RGS22: variants seen among roughly 807,000 people sequenced by gnomAD.
RGS22 encodes regulator of G-protein signaling 22.
Under a neutral mutation model 172.9 loss-of-function variants are expected in RGS22, and 148 were observed. The observed-to-expected ratio is 0.86, with a 90% CI of 0.75 to 0.98. The LOEUF (loss-of-function observed/expected upper bound fraction) is 0.98. RGS22 is among the 50% of genes least tolerant of loss of function. The pLI is 0.00. For missense variants in RGS22, 1,347 were observed against 1,440.8 expected (o/e 0.93, Z 1.05); for synonymous variants, 458 against 480.2 (o/e 0.95, Z 0.60).
intron 23 of RGS22, among the ~76,000 whole-genome samples, chr8:99,973,128 C>T (rs1209374877): frequency 2.0e-5 from 3 of 152,036 alleles, no homozygotes; most frequent in African/African-American, 7.2e-5. Flanking sequence ...GATCTCAAAC[C>T]AGAAATACCA....
chr8:100,019,056 G>A (rs1210081133), intron 14 of RGS22, among the ~76,000 whole-genome samples: 1 of 151,744 alleles, frequency 6.6e-6, no homozygotes, highest in Non-Finnish European at 1.5e-5. Flanking sequence ...TTGTATCAAA[G>A]GCTAAATGAT....
chr8:99,996,783 A>T (rs16897847), intron 19 of RGS22, among the ~76,000 whole-genome samples: 1,682 of 152,298 alleles, frequency 0.011, 29 homozygotes, highest in African/African-American at 0.037. Flanking sequence ...TGATAGTTTC[A>T]CTTGAGCTCA....
intron 20 of RGS22, 117 bp downstream of exon 20, chr8:99,996,345 G>T (rs745647304): frequency 2.4e-4 from 185 of 770,072 alleles, no homozygotes; most frequent in Non-Finnish European, 4.0e-4. Flanking sequence ...GTGCTCAGTT[G>T]TCAGTTTAGA....
At chr8:100,092,134 C>T (rs1812631351) in intron 3 of RGS22, 1 of 152,012 alleles carries the variant, frequency 6.6e-6, no homozygotes, top group East Asian at 1.9e-4. Flanking sequence ...AAAAGGTATT[C>T]CAGTGTTTAG....
chr8:100,012,842 A>G (rs1033592979), intron 14 of RGS22, among the ~76,000 whole-genome samples: 4 of 152,152 alleles, frequency 2.6e-5, no homozygotes, highest in Non-Finnish European at 4.4e-5. Context: ...TATTTTTTTG[A>G]AATATGCTTT....
intron 21 of RGS22, among the ~76,000 whole-genome samples, chr8:99,983,285 G>A (rs1812741178): frequency 6.6e-6 from 1 of 152,028 alleles, no homozygotes; most frequent in African/African-American, 2.4e-5. Flanking sequence ...TTATCTTTTT[G>A]GCAGAATTAT....
In RGS22 at chr8:100,050,036, C is replaced by T. The variant is rs572682242; in HGVS notation, c.1690-2440G>A. Among the ~76,000 whole-genome samples, 16 of 135,970 alleles carry T rather than the reference C, an allele frequency of 1.2e-4. No individual in the cohort carries two copies. In the South Asian group the frequency reaches 1.2e-3, roughly 10 times the overall value. 89.2% of individuals were successfully genotyped at this position (135,970 alleles called of 152,430 possible). ...TGCACTCCAGCCTGGGCAACAAAAA[C>T]GAAACTCCATCTCCAAAAAAAAAAA... On this transcript the variant is annotated intron_variant, in intron 10 of 27. Coordinates refer to ENST00000360863, the MANE Select transcript of RGS22 (RefSeq NM_015668.5).
At chr8:100,051,425 T>TA (rs1491116044) in intron 10 of RGS22, among the ~76,000 whole-genome samples, 2 of 113,046 alleles carry the variant, frequency 1.8e-5, no homozygotes, top group Non-Finnish European at 3.4e-5. Context: ...TATATATACA[T>TA]TTATATATTT....
In RGS22 at chr8:99,977,944, T is replaced by G; in HGVS notation, c.3492A>C (p.Ala1164=). The G allele has an allele frequency of 1.3e-6, 2 of 1,565,742 alleles. No homozygotes were observed. The highest frequency in any genetic ancestry group is 1.7e-6 in the Non-Finnish European group (2 of 1,165,026). Residue 1164 remains alanine (A), a synonymous_variant, in exon 23 of 28, where the codon GCA becomes GCC. Transcript: ENST00000360863. ...TTCCAGATTTTTCGTCTTCTAGGAC[T>G]GCCAATTTTTTTTTCTGCTTATTAT... ...QEYNKQKKKL[A]VLEDEKSGKD...
At chr8:99,997,964 T>C (rs1439720674) in intron 19 of RGS22, among the ~76,000 whole-genome samples, 2 of 152,216 alleles carry the variant, frequency 1.3e-5, no homozygotes, top group African/African-American at 4.8e-5. Context: ...TAAGTAAATG[T>C]AATGGGATTA....
At chr8:100,081,909 CT>C (rs201340859) in intron 3 of RGS22, among the ~76,000 whole-genome samples, 1,814 of 125,334 alleles carry the variant, frequency 0.014, 10 homozygotes, top group Middle Eastern at 0.036. Context: ...TATTGTTTTC[CT>C]TTTTTTTTTT....
intron 14 of RGS22, among the ~76,000 whole-genome samples, chr8:100,014,927 C>T (rs552417020): frequency 6.6e-6 from 1 of 152,210 alleles, no homozygotes; most frequent in Admixed American, 6.5e-5. Flanking sequence ...TCCCATGGAC[C>T]CTGTACTTTT....
rs991293383 is a variant in RGS22 at position 100,093,647 on chromosome 8, A to C, written c.55-138T>G. On this transcript the variant is annotated intron_variant, in intron 2 of 27. Coordinates refer to ENST00000360863, the MANE Select transcript of RGS22 (RefSeq NM_015668.5). Reference sequence around the variant, plus strand: ...TTTAGTCAGTCAACAGTGAACCCTCACTATAAACTGAACACAGTTTATGGT... The same window carrying C: ...TTTAGTCAGTCAACAGTGAACCCTCCCTATAAACTGAACACAGTTTATGGT... 2.5e-5 allele frequency: 15 copies of C among 597,846 alleles called. No homozygotes were observed. The East Asian group carries it at 3.7e-4, about 15-fold the overall frequency. 37.0% of individuals were successfully genotyped at this position (597,846 alleles called of 1,614,324 possible).
rs1176865078 is a variant in RGS22, at chr8:100,062,630, T to C, written c.1475A>G (p.Asn492Ser). The change falls in exon 9 of 28, where the codon AAT (asparagine) becomes AGT (serine). Residue 492 changes from asparagine (N) to serine (S), a missense_variant. Asn to Ser is a conservative substitution (Grantham distance 46). Transcript: ENST00000360863. ...GSQWNEEHLR[N>S]IQSEVLKPLL... ...AGGTTTTAAAACTTCAGACTGAATA[T>C]TTCTTAAATGCTCTTCATTCCACTG... The C allele has an allele frequency of 6.2e-7, 1 of 1,605,360 alleles. No homozygotes were observed. The highest frequency in any genetic ancestry group is 1.3e-5 in the African/African-American group (1 of 74,536).
At chr8:99,982,170 T>A in intron 21 of RGS22, 54 bp from the exon 22 acceptor site, 1 of 1,326,346 alleles carries the variant, frequency 7.5e-7, no homozygotes, top group Non-Finnish European at 1.0e-6. Context: ...CCAGAACACT[T>A]AATAGAACTG....
chr8:99,962,709 AT>A lies in RGS22; in HGVS notation c.3767del (p.Asn1256IlefsTer35). The A allele has an allele frequency of 6.2e-7, 1 of 1,611,204 alleles. No homozygotes were observed. The highest frequency in any genetic ancestry group is 8.5e-7 in the Non-Finnish European group (1 of 1,179,212). On this transcript the variant is annotated frameshift_variant, in exon 26 of 28. Transcript: ENST00000360863. LOFTEE classifies it high-confidence loss of function. ...ASSSTMSLKK[N>X]MSAHSSQK ...CACTCTGGCTGCTGTGGGCAGACATATTCTTTTTCAAAGACATAGTTGAAGA... is the reference window on the plus strand; with the variant it reads ...CACTCTGGCTGCTGTGGGCAGACATATCTTTTTCAAAGACATAGTTGAAGA...
At chr8:100,100,155 T>A (rs1393416299) in intron 2 of RGS22, among the ~76,000 whole-genome samples, 1 of 152,312 alleles carries the variant, frequency 6.6e-6, no homozygotes, top group Admixed American at 6.5e-5. Flanking sequence ...TAAAATGGCA[T>A]AGTATTTGCA....
In RGS22 at chr8:100,059,304, T is replaced by C. The variant is rs544399310; in HGVS notation, c.1514+3287A>G. 3.2e-3 allele frequency among the ~76,000 whole-genome samples: 484 copies of C among 152,188 alleles called. 8 individuals carry two copies. The highest frequency in any genetic ancestry group is 7.8e-4 in the Non-Finnish European group (53 of 67,998). ...CCTTACTTATCAATAATGATATTGA[T>C]GTAAATGGGCTAAACTCTCCAATCA... is the stretch of plus-strand genomic sequence containing the variant. On this transcript the variant is annotated intron_variant, in intron 9 of 27. Coordinates refer to ENST00000360863, the MANE Select transcript of RGS22 (RefSeq NM_015668.5).
intron 6 of RGS22, among the ~76,000 whole-genome samples, 156 bp downstream of exon 6, chr8:100,071,213 G>A (rs1035551544): frequency 3.3e-5 from 5 of 152,224 alleles, no homozygotes; most frequent in South Asian, 4.2e-4. Flanking sequence ...AGCTGAGCCC[G>A]GGAGATGGAG....
Sources: gnomAD v4.1 joint callset for allele counts (sites outside exome capture counted in the v4.1 genomes callset) on GRCh38, gnomAD v4.1.1 for gene constraint, MANE v1.5 for transcripts, NCBI Gene and HGNC (gene_info 2026-07-23, HGNC 2026-07-21) for gene names.